Variants in SPTLC2 observed in about 807,000 individuals in gnomAD.
The protein encoded by SPTLC2 is serine palmitoyltransferase 2.
In SPTLC2, 21 loss-of-function variants were observed where a neutral mutation model predicts 62.0. The ratio of observed to expected loss-of-function variants is 0.34; its 90% CI spans 0.24 to 0.49. The LOEUF is 0.49. Among genes scored for constraint, SPTLC2 ranks in the 20% least tolerant of loss-of-function variants. The probability of loss-of-function intolerance (pLI) is 0.99; values close to 1 mark genes in which losing one functional copy is unlikely to be tolerated. For missense variants in SPTLC2, 511 were observed against 713.0 expected (o/e 0.72, Z 3.23); for synonymous variants, 261 against 261.8 (o/e 1.00, Z 0.03).
chr14:77,587,237 A>T (rs908984861), intron 2 of SPTLC2, among the ~76,000 whole-genome samples: 2 of 152,020 alleles, frequency 1.3e-5, no homozygotes, highest in East Asian at 3.9e-4. Context: ...TCTCAAAAAA[A>T]AAAGAATTCT....
rs561986536 is a variant in SPTLC2, at chr14:77,585,865, A to C, written c.328-6756T>G. On this transcript the variant is annotated intron_variant, in intron 2 of 11. Transcript: ENST00000216484. ...CTCACTAGGACATCCACTGGCCAAA[A>C]AAATGACCCGACCTAAACCTCATAC... is the stretch of plus-strand genomic sequence containing the variant. Among the ~76,000 whole-genome samples the C allele has an allele frequency of 2.7e-4, 41 of 152,318 alleles. 1 individual carries two copies. Among genetic ancestry groups the C allele is most frequent in the Admixed American group, 2.2e-3 (33 of 15,278 alleles).
chr14:77,526,872 G>A (rs1252029864), intron 9 of SPTLC2, among the ~76,000 whole-genome samples: 5 of 150,110 alleles, frequency 3.3e-5, no homozygotes, highest in Non-Finnish European at 5.9e-5. Context: ...CTGGCTCACT[G>A]CAAGCTCCGC....
chr14:77,559,867 G>A (rs1041987393), intron 6 of SPTLC2, among the ~76,000 whole-genome samples: 3 of 152,082 alleles, frequency 2.0e-5, no homozygotes, highest in Admixed American at 1.3e-4. Flanking sequence ...CTCCAGCCTG[G>A]GTGATGCAGC....
In SPTLC2 at chr14:77,543,241, G is replaced by A. The variant is rs550236190; in HGVS notation, c.1303+8855C>T. On this transcript the variant is annotated intron_variant, in intron 9 of 11. Coordinates refer to ENST00000216484, the MANE Select transcript of SPTLC2 (RefSeq NM_004863.4). ...ATTTTTGTATTTTTAGTAGAGACAC[G>A]GTTTCACTACTATGTTGGCCAGGCT... Among the ~76,000 whole-genome samples, 16 of 152,222 alleles carry A rather than the reference G, an allele frequency of 1.1e-4. 1 individual carries two copies. In the South Asian group the frequency reaches 2.7e-3, roughly 26 times the overall value.
intron 2 of SPTLC2, among the ~76,000 whole-genome samples, chr14:77,583,285 C>T (rs546363799): frequency 1.8e-4 from 28 of 151,714 alleles, no homozygotes; most frequent in African/African-American, 6.0e-4. Flanking sequence ...AAACCAAACT[C>T]CCTGCAGCTT....
rs2079329896 is a variant in SPTLC2 at position 77,511,033 on chromosome 14, T to C, written c.*1251A>G. ...AAACAGTCAAAATAGAAAATGTCAGTTTAGGAAAGAGATCTATGTGTTCAG... is the reference window on the plus strand; with the variant it reads ...AAACAGTCAAAATAGAAAATGTCAGCTTAGGAAAGAGATCTATGTGTTCAG... On this transcript the variant is annotated 3_prime_UTR_variant, in exon 12 of 12. Transcript: ENST00000216484. 1 of 152,346 alleles carries C rather than the reference T, an allele frequency of 6.6e-6. No homozygotes were observed. Among genetic ancestry groups the C allele is most frequent in the Non-Finnish European group, 1.5e-5 (1 of 68,020 alleles). 9.4% of individuals were successfully genotyped at this position (152,346 alleles called of 1,614,324 possible).
intron 2 of SPTLC2, among the ~76,000 whole-genome samples, chr14:77,584,229 T>C (rs1424145420): frequency 6.6e-6 from 1 of 152,166 alleles, no homozygotes; most frequent in Admixed American, 6.5e-5. Flanking sequence ...GTAGCACCTA[T>C]ACAGGCATTA....
chr14:77,577,849 A>G (rs947775778), intron 3 of SPTLC2, among the ~76,000 whole-genome samples: 2 of 152,178 alleles, frequency 1.3e-5, no homozygotes, highest in African/African-American at 4.8e-5. Flanking sequence ...GCAGTAAGCC[A>G]AGATGGTGCC....
chr14:77,556,812 C>T (rs974728551), intron 7 of SPTLC2, among the ~76,000 whole-genome samples: 1 of 152,136 alleles, frequency 6.6e-6, no homozygotes, highest in African/African-American at 2.4e-5. Flanking sequence ...ATAAAAGACT[C>T]AAATAGAAAG....
intron 9 of SPTLC2, among the ~76,000 whole-genome samples, chr14:77,533,261 T>C (rs35817034): frequency 0.24 from 35,913 of 148,072 alleles, 4,903 homozygotes; most frequent in Middle Eastern, 0.4. Flanking sequence ...GACTGTGCCA[T>C]TGCACTCTAG....
chr14:77,574,334 C>A (rs868055483), intron 4 of SPTLC2, among the ~76,000 whole-genome samples: 3 of 152,226 alleles, frequency 2.0e-5, no homozygotes, highest in Middle Eastern at 3.4e-3. Flanking sequence ...TAAAGTTGGG[C>A]TACAAACAAG....
intron 9 of SPTLC2, among the ~76,000 whole-genome samples, chr14:77,541,376 C>A (rs1474974105): frequency 6.6e-6 from 1 of 152,068 alleles, no homozygotes; most frequent in Non-Finnish European, 1.5e-5. Flanking sequence ...CTAATTCTTA[C>A]CAAAAGCAGC....
chr14:77,600,793 G>A (rs982871543), intron 1 of SPTLC2, among the ~76,000 whole-genome samples: 26 of 152,020 alleles, frequency 1.7e-4, no homozygotes, highest in Non-Finnish European at 3.4e-4. Context: ...AAATGCAAAG[G>A]AAGAAATTTT....
intron 2 of SPTLC2, among the ~76,000 whole-genome samples, chr14:77,591,722 G>GTATT (rs1314811344): frequency 9.1e-5 from 9 of 99,434 alleles, no homozygotes; most frequent in Non-Finnish European, 1.6e-4. Context: ...ATGTATGTAT[G>GTATT]TATGTATGTA....
Position 77,530,327 on chromosome 14 carries a change from AAT to A in SPTLC2, c.1304-8748_1304-8747del, listed in dbSNP as rs1491518387. 4.2e-4 allele frequency among the ~76,000 whole-genome samples: 62 copies of A among 147,830 alleles called. 1 individual carries two copies. The highest frequency in any genetic ancestry group is 2.9e-3 in the Admixed American group (43 of 14,856). ...CACAGGATCTTTTTTAAAAAAAAAAAATATTTATTTATTTATTTTGAGATGGA... is the reference window on the plus strand; with the variant it reads ...CACAGGATCTTTTTTAAAAAAAAAAAATTTATTTATTTATTTTGAGATGGA... On this transcript the variant is annotated intron_variant, in intron 9 of 11. Coordinates refer to ENST00000216484, the MANE Select transcript of SPTLC2 (RefSeq NM_004863.4).
intron 11 of SPTLC2, among the ~76,000 whole-genome samples, chr14:77,513,909 A>AAT (rs2079346202): frequency 6.6e-6 from 1 of 150,960 alleles, no homozygotes; most frequent in Non-Finnish European, 1.5e-5. Flanking sequence ...AAAAAAAAAA[A>AAT]AAAAGTCAAG....
intron 2 of SPTLC2, among the ~76,000 whole-genome samples, chr14:77,589,789 C>CCACACACA (rs10627978): frequency 0.01 from 1,520 of 146,300 alleles, 17 homozygotes; most frequent in African/African-American, 0.023. Flanking sequence ...GAGTCCGTCT[C>CCACACACA]CACACACACA....
chr14:77,610,992 C>CAAAAAA (rs61504970), intron 1 of SPTLC2, among the ~76,000 whole-genome samples: 1 of 106,850 alleles, frequency 9.4e-6, no homozygotes, highest in Non-Finnish European at 1.8e-5. Flanking sequence ...CCCATCTCTA[C>CAAAAAA]AAAAAAAAAA....
chr14:77,575,100 T>C (rs2079707131), intron 4 of SPTLC2, among the ~76,000 whole-genome samples: 1 of 152,140 alleles, frequency 6.6e-6, no homozygotes, highest in African/African-American at 2.4e-5. Flanking sequence ...CGTGCACCTA[T>C]AGTCCTAACT....
Sources: allele counts gnomAD v4.1 joint callset (sites outside exome capture counted in the v4.1 genomes callset), GRCh38; gene constraint gnomAD v4.1.1; transcripts MANE v1.5; gene names NCBI Gene and HGNC (gene_info 2026-07-23, HGNC 2026-07-21).